KCNIP1: variants seen among roughly 807,000 people sequenced by gnomAD.
KCNIP1 encodes potassium voltage-gated channel interacting protein 1.
Under a neutral mutation model 33.0 loss-of-function variants are expected in KCNIP1, and 18 were observed. The observed-to-expected ratio is 0.55, with a 90% CI of 0.38 to 0.81. The LOEUF (loss-of-function observed/expected upper bound fraction) is 0.81. KCNIP1 is among the 30% of genes least tolerant of loss of function. KCNIP1 has a pLI of 0.00. For synonymous variants in KCNIP1, 93 were observed against 98.3 expected, an observed-to-expected ratio of 0.95 and a Z score of 0.32; for missense variants, 238 against 271.6, an observed-to-expected ratio of 0.88 and a Z score of 0.87.
intron 1 of KCNIP1, among the ~76,000 whole-genome samples, chr5:170,673,850 G>A (rs977319523): frequency 6.6e-6 from 1 of 152,056 alleles, no homozygotes; most frequent in African/African-American, 2.4e-5. Flanking sequence ...GTAAAATGGT[G>A]GTGGGCGGAG....
At chr5:170,676,999 TG>T (rs1762169563) in intron 1 of KCNIP1, among the ~76,000 whole-genome samples, 1 of 152,178 alleles carries the variant, frequency 6.6e-6, no homozygotes, top group Admixed American at 6.5e-5. Flanking sequence ...TTCCCCTACC[TG>T]AAGTAACACT....
intron 1 of KCNIP1, chr5:170,378,423 A>C (rs999041513): frequency 5.3e-6 from 2 of 378,234 alleles, no homozygotes; most frequent in Admixed American, 8.6e-5. Flanking sequence ...TGCAGCCGGA[A>C]ACAGGTATGA....
At chr5:170,512,347 A>C (rs913002986) in intron 1 of KCNIP1, among the ~76,000 whole-genome samples, 5 of 152,228 alleles carry the variant, frequency 3.3e-5, no homozygotes, top group Admixed American at 1.3e-4. Flanking sequence ...AGAAAAAAAC[A>C]CAAGAACTTG....
intron 1 of KCNIP1, among the ~76,000 whole-genome samples, chr5:170,488,018 A>T (rs933729819): frequency 1.3e-5 from 2 of 152,162 alleles, no homozygotes; most frequent in South Asian, 4.1e-4. Context: ...ACCTACTAGA[A>T]GCACCCTGTC....
At chr5:170,629,819 G>A (rs1412689430) in intron 1 of KCNIP1, among the ~76,000 whole-genome samples, 1 of 152,210 alleles carries the variant, frequency 6.6e-6, no homozygotes, top group Admixed American at 6.5e-5. Context: ...AATTAACCCT[G>A]AACCTGAAAA....
intron 1 of KCNIP1, among the ~76,000 whole-genome samples, chr5:170,642,359 A>G (rs1760601515): frequency 6.6e-6 from 1 of 152,136 alleles, no homozygotes; most frequent in Non-Finnish European, 1.5e-5. Context: ...GTGAGCACCG[A>G]CTGTGCACAC....
intron 1 of KCNIP1, among the ~76,000 whole-genome samples, chr5:170,579,830 CCT>C (rs1203110056): frequency 1.3e-5 from 2 of 152,152 alleles, no homozygotes; most frequent in Non-Finnish European, 2.9e-5. Context: ...GCATTCTCCG[CCT>C]CTCTCCTACA....
intron 1 of KCNIP1, among the ~76,000 whole-genome samples, chr5:170,612,538 C>G (rs1759205599): frequency 6.6e-6 from 1 of 152,152 alleles, no homozygotes; most frequent in African/African-American, 2.4e-5. Flanking sequence ...TGCCCGCAGG[C>G]TGAAGAGGCA....
chr5:170,449,652 C>T (rs987694471), intron 1 of KCNIP1, among the ~76,000 whole-genome samples: 1 of 152,218 alleles, frequency 6.6e-6, no homozygotes, highest in Non-Finnish European at 1.5e-5. Flanking sequence ...ATACAATAAT[C>T]CACATAAGGA....
Position 170,504,129 on chromosome 5 carries a change from C to T in KCNIP1, c.-444C>T, listed in dbSNP as rs1273495621. 1.0e-6 allele frequency: 1 copy of T among 992,692 alleles called. No individual in the cohort carries two copies. The highest frequency in any genetic ancestry group is 4.7e-5 in the South Asian group (1 of 21,424). 61.5% of individuals were successfully genotyped at this position (992,692 alleles called of 1,614,324 possible). A position where few individuals can be genotyped will look rare whatever the true frequency, so the allele number is the denominator to read the frequency against. On this transcript the variant is annotated 5_prime_UTR_variant, in exon 1 of 8. Coordinates refer to ENST00000328939, the MANE Select transcript of KCNIP1 (RefSeq NM_014592.4). The surrounding 1 kb of genome is among the most constrained non-coding windows in gnomAD (Gnocchi z 6.0). ...CATTCATGATTGGTACTCGGCCCTC[C>T]GAGACCCAGCCCGAGCGCAGGGAGG...
chr5:170,642,403 C>T (rs1201685812), intron 1 of KCNIP1, among the ~76,000 whole-genome samples: 1 of 152,340 alleles, frequency 6.6e-6, no homozygotes, highest in African/African-American at 2.4e-5. Context: ...TCATCTCCAG[C>T]GTCACAGCTG....
At chr5:170,456,576 G>T (rs1756380588) in intron 1 of KCNIP1, among the ~76,000 whole-genome samples, 1 of 151,972 alleles carries the variant, frequency 6.6e-6, no homozygotes, top group African/African-American at 2.4e-5. Flanking sequence ...CAAGCAGAAG[G>T]AAGACAATAA....
rs192562787 is a variant in KCNIP1 at position 170,731,807 on chromosome 5, A to G, written c.436-993A>G. On this transcript the variant is annotated intron_variant, in intron 5 of 7. Coordinates refer to ENST00000328939, the MANE Select transcript of KCNIP1 (RefSeq NM_014592.4). ...GTAGAATCATTGAAGGGAAAAAAAT[A>G]TTAGTTGAAAAGCTGAGATCCCGCC... 3.0e-3 allele frequency among the ~76,000 whole-genome samples: 431 copies of G among 144,772 alleles called. 2 individuals are homozygous for G. Among genetic ancestry groups the G allele is most frequent in the African/African-American group, 0.01 (405 of 39,190 alleles). The allele number at this position is 144,772 out of a possible 152,430, so 95.0% of individuals were successfully genotyped here.
intron 1 of KCNIP1, among the ~76,000 whole-genome samples, chr5:170,664,148 A>C (rs866555714): frequency 6.6e-6 from 1 of 150,422 alleles, no homozygotes; most frequent in Admixed American, 6.6e-5. Flanking sequence ...CTCCCCCTAC[A>C]CTCTGTGTTC....
At chr5:170,569,677 A>G (rs12654267) in intron 1 of KCNIP1, among the ~76,000 whole-genome samples, 80,158 of 151,842 alleles carry the variant, frequency 0.53, 21,170 homozygotes, top group Admixed American at 0.56. Flanking sequence ...CTGGAAGTTC[A>G]AGGCTGCAGG....
chr5:170,593,685 C>T (rs1451078850), intron 1 of KCNIP1, among the ~76,000 whole-genome samples: 1 of 152,116 alleles, frequency 6.6e-6, no homozygotes, highest in Non-Finnish European at 1.5e-5. Context: ...TCCCACAATC[C>T]CTCATTAAGC....
intron 1 of KCNIP1, chr5:170,383,454 G>T (rs1764334397): frequency 6.5e-6 from 4 of 618,770 alleles, no homozygotes; most frequent in African/African-American, 1.8e-5. Flanking sequence ...GAGGTGAGAG[G>T]CTAAGTGGCC....
At chr5:170,614,089 T>C (rs1759279752) in intron 1 of KCNIP1, among the ~76,000 whole-genome samples, 1 of 152,186 alleles carries the variant, frequency 6.6e-6, no homozygotes, top group African/African-American at 2.4e-5. Context: ...GGAGGCATGG[T>C]TCATCTGGCT....
intron 1 of KCNIP1, chr5:170,389,383 G>T (rs1581141226): frequency 6.6e-6 from 1 of 151,722 alleles, no homozygotes; most frequent in African/African-American, 2.4e-5. Context: ...CCGTCTCCAG[G>T]GAAGCAGCTT....
Sources: gnomAD v4.1 joint callset for allele counts (sites outside exome capture counted in the v4.1 genomes callset) on GRCh38, gnomAD v4.1.1 for gene constraint, Gnocchi (gnomAD v3.1) non-coding constraint, MANE v1.5 for transcripts, NCBI Gene and HGNC (gene_info 2026-07-23, HGNC 2026-07-21) for gene names.